NIN: variants seen among roughly 807,000 people sequenced by gnomAD.
NIN encodes the protein ninein, also known as glycogen synthase kinase 3 beta-interacting protein.
NIN carries 137 observed loss-of-function variants against 257.6 expected under a neutral mutation model. That is an observed-to-expected ratio of 0.53 (90% CI 0.46 to 0.61). The LOEUF (loss-of-function observed/expected upper bound fraction) is 0.61, where lower values mean the gene tolerates loss of function less well. NIN is among the 20% of genes least tolerant of loss of function. The pLI is 0.00. For synonymous variants in NIN, 918 were observed against 919.8 expected, an observed-to-expected ratio of 1.00 and a Z score of 0.04; for missense variants, 2,439 against 2,501.2, an observed-to-expected ratio of 0.98 and a Z score of 0.53.
Position 50,777,116 on chromosome 14 carries a change from C to A in NIN, c.499G>T (p.Asp167Tyr). 1 of 1,611,786 alleles carries A rather than the reference C, an allele frequency of 6.2e-7. No homozygotes were observed. Among genetic ancestry groups the A allele is most frequent in the Non-Finnish European group, 8.5e-7 (1 of 1,179,034 alleles). ...AEGQLRFWNP[D>Y]DLNASQSGSS... is the part of the protein sequence containing the mutation. ...CCACTCTGTGAAGCATTCAAGTCAT[C>A]TGGGTTCCAAAACCTTAACTGGCCT... Residue 167 changes from aspartate (D) to tyrosine (Y), a missense_variant, in exon 7 of 31, where the codon GAT becomes TAT. Asp to Tyr is a radical substitution (Grantham distance 160). Transcript: ENST00000530997.
intron 4 of NIN, among the ~76,000 whole-genome samples, chr14:50,802,902 A>G (rs2044159181): frequency 6.6e-6 from 1 of 152,348 alleles, no homozygotes; most frequent in African/African-American, 2.4e-5. Context: ...ATTTATAAAA[A>G]TCTTTGGTGT....
Position 50,723,424 on chromosome 14 carries a change from C to T in NIN, c.*39G>A. On this transcript the variant is annotated 3_prime_UTR_variant, in exon 31 of 31. Coordinates refer to ENST00000530997, the MANE Select transcript of NIN (RefSeq NM_020921.4). ...AACCTACTGAAATGTTCATCTATTTCAGTAAAGTGCACAAATATGAGTGTA... is the reference window on the plus strand; with the variant it reads ...AACCTACTGAAATGTTCATCTATTTTAGTAAAGTGCACAAATATGAGTGTA... 2 of 1,557,326 alleles carry T rather than the reference C, an allele frequency of 1.3e-6. No homozygotes were observed. Among genetic ancestry groups the T allele is most frequent in the Non-Finnish European group, 1.8e-6 (2 of 1,132,716 alleles).
rs1342845849 is a variant in NIN, at chr14:50,785,479, T to TGTTTTG, written c.436-6676_436-6675insCAAAAC. On this transcript the variant is annotated intron_variant, in intron 5 of 30. Transcript: ENST00000530997. ...AGCCTGGAGTAGAGTTGTGGTTTTT[T>TGTTTTG]GTTTTTGTTTTTGTTTTTTGGAAAG... Among the ~76,000 whole-genome samples the TGTTTTG allele has an allele frequency of 2.6e-5, 4 of 152,332 alleles. No homozygotes were observed. In the South Asian group the frequency reaches 8.3e-4, roughly 32 times the overall value.
At chr14:50,771,761 G>A (rs897769321) in intron 9 of NIN, among the ~76,000 whole-genome samples, 2 of 152,078 alleles carry the variant, frequency 1.3e-5, no homozygotes, top group African/African-American at 2.4e-5. Flanking sequence ...CGAGGCATGC[G>A]GATCATTTGA....
At chr14:50,813,925 T>C (rs139895014) in intron 3 of NIN, among the ~76,000 whole-genome samples, 142 of 152,230 alleles carry the variant, frequency 9.3e-4, no homozygotes, top group Middle Eastern at 3.4e-3. Context: ...TATGGACTTA[T>C]CAGAAGTCAA....
chr14:50,723,142 T>TAA lies in NIN; in HGVS notation c.*319_*320dup. ...ATTTTACACATAGATTTGTAATAAT[T>TAA]AAAAAAAAAACCAAAACCACAAAAA... On this transcript the variant is annotated 3_prime_UTR_variant, in exon 31 of 31. Coordinates refer to ENST00000530997, the MANE Select transcript of NIN (RefSeq NM_020921.4). 4 of 253,344 alleles carry TAA rather than the reference T, an allele frequency of 1.6e-5. No individual in the cohort carries two copies. The highest frequency in any genetic ancestry group is 2.3e-5 in the Non-Finnish European group (3 of 133,154). The allele number at this position is 253,344 out of a possible 1,614,324, so 15.7% of individuals were successfully genotyped here.
At position 50,792,846 on chromosome 14, in the gene NIN, C is replaced by A; in HGVS notation, c.301G>T (p.Gly101Cys). ...SLEAQPKYVR[G>C]GKRYGRRSLP... Reference sequence around the variant, plus strand: ...GACCTTCGTCCGTAACGCTTCCCACCTCTAACATATTTGGGCTGAGCTTCT... The same window carrying A: ...GACCTTCGTCCGTAACGCTTCCCACATCTAACATATTTGGGCTGAGCTTCT... The change falls in exon 5 of 31, where the codon GGT becomes TGT. Residue 101 changes from glycine (G) to cysteine (C), a missense_variant. Physicochemically the swap from Gly to Cys is radical, Grantham distance 159. Coordinates refer to ENST00000530997, the MANE Select transcript of NIN (RefSeq NM_020921.4). 2 of 1,614,220 alleles carry A rather than the reference C, an allele frequency of 1.2e-6. No individual in the cohort carries two copies. The highest frequency in any genetic ancestry group is 1.7e-6 in the Non-Finnish European group (2 of 1,180,044).
At chr14:50,811,123 T>TTC (rs1472077677) in intron 3 of NIN, among the ~76,000 whole-genome samples, 11 of 151,946 alleles carry the variant, frequency 7.2e-5, no homozygotes, top group Non-Finnish European at 1.5e-4. Flanking sequence ...TTTTTTTTTT[T>TTC]TTCAGATGGA....
In NIN at chr14:50,741,652, T is replaced by C. The variant is rs1250385465; in HGVS notation, c.5378A>G (p.Gln1793Arg). 6.2e-7 allele frequency: 1 copy of C among 1,614,176 alleles called. No homozygotes were observed. The highest frequency in any genetic ancestry group is 1.1e-5 in the South Asian group (1 of 91,086). Residue 1793 changes from glutamine (Q) to arginine (R), a missense_variant, in exon 25 of 31, where the codon CAG becomes CGG. Transcript: ENST00000530997. ...SRMKSDLRVT[Q>R]QEKEALKQEV... ...TTGTTTTAAAGCCTCCTTTTCCTGC[T>C]GAGTCACTCGTAGGTCAGATTTCAT...
chr14:50,728,397 G>A (rs2040520040), intron 29 of NIN, among the ~76,000 whole-genome samples: 1 of 152,146 alleles, frequency 6.6e-6, no homozygotes, highest in South Asian at 2.1e-4. Flanking sequence ...AAGTTTATTA[G>A]AAATACAGCA....
intron 8 of NIN, 47 bp downstream of exon 8, chr14:50,772,902 G>A (rs751857470): frequency 1.4e-5 from 22 of 1,522,538 alleles, no homozygotes; most frequent in Non-Finnish European, 2.0e-5. Flanking sequence ...TACTTAAATG[G>A]GTTCTAACTT....
At position 50,722,824 on chromosome 14, in the gene NIN, C is replaced by T; in HGVS notation, c.*639G>A. The T allele has an allele frequency of 4.8e-6, 1 of 210,290 alleles. No individual in the cohort carries two copies. Among genetic ancestry groups the T allele is most frequent in the East Asian group, 7.1e-5 (1 of 14,038 alleles). The allele number at this position is 210,290 out of a possible 1,614,324, so 13.0% of individuals were successfully genotyped here. On this transcript the variant is annotated 3_prime_UTR_variant, in exon 31 of 31. Coordinates refer to ENST00000530997, the MANE Select transcript of NIN (RefSeq NM_020921.4). ...AAGCTTTTAACATTAGTTAAGAGTG[C>T]AATTGAGTAAATCAGTTCTAAATCT... is the stretch of plus-strand genomic sequence containing the variant.
intron 14 of NIN, among the ~76,000 whole-genome samples, chr14:50,764,383 A>C (rs767646482): frequency 3.9e-5 from 6 of 152,248 alleles, no homozygotes; most frequent in Non-Finnish European, 7.3e-5. Context: ...GAAGTGGAGC[A>C]ATTGGAACTA....
intron 4 of NIN, among the ~76,000 whole-genome samples, chr14:50,793,572 GTGT>G (rs1452538281): frequency 6.6e-6 from 1 of 152,144 alleles, no homozygotes; most frequent in African/African-American, 2.4e-5. Flanking sequence ...GTAAGCATCG[GTGT>G]TGTACAAAAT....
At position 50,754,979 on chromosome 14, in the gene NIN, A is replaced by G; in HGVS notation, c.4539-112T>C. ...AGTATTCAATGCCAGTTAAAAAGAA[A>G]AGTCTAAATTAGTAGTCTCTTAGTA... On this transcript the variant is annotated intron_variant, in intron 18 of 30. Transcript: ENST00000530997. 3 of 669,282 alleles carry G rather than the reference A, an allele frequency of 4.5e-6. No individual in the cohort carries two copies. The South Asian group carries it at 6.4e-5, about 14-fold the overall frequency. 41.5% of individuals were successfully genotyped at this position (669,282 alleles called of 1,614,324 possible). A position where few individuals can be genotyped will look rare whatever the true frequency, so the allele number is the denominator to read the frequency against.
intron 4 of NIN, among the ~76,000 whole-genome samples, chr14:50,793,617 T>A (rs1035438820): frequency 6.6e-6 from 1 of 152,202 alleles, no homozygotes; most frequent in Non-Finnish European, 1.5e-5. Flanking sequence ...GAGAGTCATC[T>A]CTTGATCTTA....
intron 3 of NIN, among the ~76,000 whole-genome samples, chr14:50,810,794 G>A (rs1467936182): frequency 2.0e-5 from 3 of 151,918 alleles, no homozygotes; most frequent in Admixed American, 6.5e-5. Flanking sequence ...CCGAGTAGCT[G>A]GGACTACAGG....
At position 50,726,050 on chromosome 14, in the gene NIN, AGTT is replaced by A; in HGVS notation, c.6092_6094del (p.Gln2031del). 6.2e-7 allele frequency: 1 copy of A among 1,613,066 alleles called. No individual in the cohort carries two copies. The highest frequency in any genetic ancestry group is 8.5e-7 in the Non-Finnish European group (1 of 1,179,280). On this transcript the variant is annotated inframe_deletion, in exon 30 of 31. Coordinates refer to ENST00000530997, the MANE Select transcript of NIN (RefSeq NM_020921.4). The stretch of plus-strand genomic sequence containing the variant: ...CATTCGTTCCTCCATGACAGTTACC[AGTT>A]GTTCCTGGTTTCCCTGAAGGGAAGA...
chr14:50,828,916 G>A (rs190861839), intron 2 of NIN, among the ~76,000 whole-genome samples: 266 of 152,188 alleles, frequency 1.7e-3, no homozygotes, highest in Non-Finnish European at 3.0e-3. Flanking sequence ...AGAACCCCAC[G>A]CCATTCTGAG....
Sources: allele counts gnomAD v4.1 joint callset (sites outside exome capture counted in the v4.1 genomes callset), GRCh38; gene constraint gnomAD v4.1.1; transcripts MANE v1.5; gene names NCBI Gene and HGNC (gene_info 2026-07-23, HGNC 2026-07-21).